COL8A1: variants seen among roughly 807,000 people sequenced by gnomAD.
The protein encoded by COL8A1 is collagen type VIII alpha 1 chain.
In COL8A1, 21 loss-of-function variants were observed where a neutral mutation model predicts 42.7. The ratio of observed to expected loss-of-function variants is 0.49; its 90% CI spans 0.35 to 0.71. The LOEUF (loss-of-function observed/expected upper bound fraction) is 0.71, where lower values mean the gene tolerates loss of function less well. COL8A1 is among the 30% of genes least tolerant of loss of function. The pLI is 0.01. For synonymous variants in COL8A1, 367 were observed against 369.1 expected, an observed-to-expected ratio of 0.99 and a Z score of 0.06; for missense variants, 788 against 962.4, an observed-to-expected ratio of 0.82 and a Z score of 2.40.
At position 99,795,107 on chromosome 3, in the gene COL8A1, C is replaced by T. The variant is rs756800301; in HGVS notation, c.1206C>T (p.Gly402=). ...PGLPGIPGPM[G]PPGAIGFPGP... ...TGCCTGGAATCCCAGGTCCTATGGGCCCTCCAGGTGCTATTGGTTTTCCTG... is the reference window on the plus strand; with the variant it reads ...TGCCTGGAATCCCAGGTCCTATGGGTCCTCCAGGTGCTATTGGTTTTCCTG... The change falls in exon 4 of 4, where the codon GGC becomes GGT. Residue 402 remains glycine, a synonymous_variant. Coordinates refer to ENST00000652472, the MANE Select transcript of COL8A1 (RefSeq NM_020351.4). 4 of 1,613,248 alleles carry T rather than the reference C, an allele frequency of 2.5e-6. No individual in the cohort carries two copies. The highest frequency in any genetic ancestry group is 8.5e-7 in the Non-Finnish European group (1 of 1,179,596).
At chr3:99,708,385 T>C (rs1939741828) in intron 1 of COL8A1, among the ~76,000 whole-genome samples, 1 of 152,250 alleles carries the variant, frequency 6.6e-6, no homozygotes, top group Middle Eastern at 3.4e-3. Flanking sequence ...TCCTTCATTG[T>C]TGGGTCTCCA....
chr3:99,673,089 G>T (rs1711560), intron 1 of COL8A1, among the ~76,000 whole-genome samples: 91,687 of 151,710 alleles, frequency 0.6, 27,947 homozygotes, highest in East Asian at 0.77. Flanking sequence ...CTTCATGAAT[G>T]GGACAGACTA....
At chr3:99,780,929 C>T (rs1397900718) in intron 2 of COL8A1, among the ~76,000 whole-genome samples, 16 of 152,128 alleles carry the variant, frequency 1.1e-4, no homozygotes, top group Non-Finnish European at 1.3e-4. Context: ...GGTTGCTCTC[C>T]GAGCTTTGCC....
chr3:99,686,491 C>T (rs1193821932), intron 1 of COL8A1, among the ~76,000 whole-genome samples: 2 of 152,110 alleles, frequency 1.3e-5, no homozygotes, highest in African/African-American at 4.8e-5. Context: ...AAATGCCTTC[C>T]TTATCCTATC....
intron 3 of COL8A1, among the ~76,000 whole-genome samples, chr3:99,791,425 C>T (rs370825401): frequency 2.3e-4 from 35 of 152,282 alleles, no homozygotes; most frequent in Middle Eastern, 6.8e-3. Flanking sequence ...TTGTAAGGAC[C>T]TGCTGTGTTA....
chr3:99,740,748 C>G (rs1940876952), intron 1 of COL8A1, among the ~76,000 whole-genome samples: 1 of 152,180 alleles, frequency 6.6e-6, no homozygotes, highest in Non-Finnish European at 1.5e-5. Flanking sequence ...GGATTCAAAG[C>G]TCAGTCTATG....
chr3:99,764,976 A>AT (rs1016538151), intron 2 of COL8A1, among the ~76,000 whole-genome samples: 1 of 152,210 alleles, frequency 6.6e-6, no homozygotes, highest in East Asian at 1.9e-4. Context: ...AAATAGTTGC[A>AT]TTTTTTAAGG....
chr3:99,725,245 A>G (rs1255488919), intron 1 of COL8A1, among the ~76,000 whole-genome samples: 2 of 152,014 alleles, frequency 1.3e-5, no homozygotes, highest in Non-Finnish European at 2.9e-5. Flanking sequence ...CTCCCTGGAC[A>G]GCAGGACATT....
chr3:99,710,322 ACACAGCAAAAAT>A (rs1398637653), intron 1 of COL8A1, among the ~76,000 whole-genome samples: 3 of 152,120 alleles, frequency 2.0e-5, no homozygotes, highest in Admixed American at 6.5e-5. Context: ...ACAGGTTGTG[ACACAGCAAAAAT>A]CACAGGGCAT....
At chr3:99,644,283 TTGAC>T (rs1197414954) in intron 1 of COL8A1, among the ~76,000 whole-genome samples, 2 of 152,158 alleles carry the variant, frequency 1.3e-5, no homozygotes, top group Non-Finnish European at 2.9e-5. Context: ...TTCTTATCAT[TTGAC>T]TGGCCCTCAA....
rs144908278 is a variant in COL8A1, at chr3:99,638,920, G to A, written c.-129+256G>A. ...TTAAATCACTTTTTCTCCTGTTGCT[G>A]ACTGTTGCTTAGGTTAAAATGTATC... On this transcript the variant is annotated intron_variant, in intron 1 of 3. Transcript: ENST00000652472. Among the ~76,000 whole-genome samples, 356 of 152,308 alleles carry A rather than the reference G, an allele frequency of 2.3e-3. 1 individual carries two copies. Among genetic ancestry groups the A allele is most frequent in the African/African-American group, 8.2e-3 (342 of 41,552 alleles).
At chr3:99,788,517 T>C (rs1243983078) in intron 2 of COL8A1, among the ~76,000 whole-genome samples, 1 of 152,184 alleles carries the variant, frequency 6.6e-6, no homozygotes, top group African/African-American at 2.4e-5. Context: ...TCCCCAAAAG[T>C]AGAATTAAGT....
At position 99,675,611 on chromosome 3, in the gene COL8A1, T is replaced by G. The variant is rs567567293; in HGVS notation, c.-129+36947T>G. 4.6e-5 allele frequency: 7 copies of G among 152,616 alleles called. No individual in the cohort carries two copies. In the Admixed American group the frequency reaches 4.6e-4, roughly 10 times the overall value. 9.5% of individuals were successfully genotyped at this position (152,616 alleles called of 1,614,324 possible). On this transcript the variant is annotated intron_variant, in intron 1 of 3. Transcript: ENST00000652472. ...ATGTCTGACACCAGGTATTTTTTAGTTTGTAACTTTCCTTACTATCTCCAC... is the reference window on the plus strand; with the variant it reads ...ATGTCTGACACCAGGTATTTTTTAGGTTGTAACTTTCCTTACTATCTCCAC...
chr3:99,705,999 A>G (rs751558434), intron 1 of COL8A1, among the ~76,000 whole-genome samples: 6 of 152,216 alleles, frequency 3.9e-5, no homozygotes. Flanking sequence ...AGGTATTTTT[A>G]GAAAAAGATC....
intron 1 of COL8A1, among the ~76,000 whole-genome samples, chr3:99,727,159 T>C (rs2107378150): frequency 6.6e-6 from 1 of 152,290 alleles, no homozygotes; most frequent in East Asian, 1.9e-4. Flanking sequence ...CTAGGTATTT[T>C]ATTCTCTTTG....
chr3:99,727,255 A>G (rs1940362728), intron 1 of COL8A1, among the ~76,000 whole-genome samples: 1 of 151,956 alleles, frequency 6.6e-6, no homozygotes, highest in African/African-American at 2.4e-5. Flanking sequence ...ATTTTTGCAC[A>G]TTGATTTTGT....
intron 2 of COL8A1, among the ~76,000 whole-genome samples, chr3:99,761,505 G>A (rs1941363919): frequency 6.6e-6 from 1 of 152,140 alleles, no homozygotes; most frequent in Non-Finnish European, 1.5e-5. Context: ...TTCTCTACTT[G>A]CTATTGCTAG....
At chr3:99,676,207 A>T (rs1938688267) in intron 1 of COL8A1, among the ~76,000 whole-genome samples, 1 of 152,106 alleles carries the variant, frequency 6.6e-6, no homozygotes, top group African/African-American at 2.4e-5. Context: ...TACAAAGAAA[A>T]CTCCACATCC....
intron 1 of COL8A1, among the ~76,000 whole-genome samples, chr3:99,650,739 G>A (rs1937819023): frequency 6.6e-6 from 1 of 152,138 alleles, no homozygotes; most frequent in Non-Finnish European, 1.5e-5. Flanking sequence ...TAACACAAAT[G>A]AGGTACTGGA....
Sources: gnomAD v4.1 joint callset for allele counts (sites outside exome capture counted in the v4.1 genomes callset) on GRCh38, gnomAD v4.1.1 for gene constraint, MANE v1.5 for transcripts, NCBI Gene and HGNC (gene_info 2026-07-23, HGNC 2026-07-21) for gene names.